The following TMEM132C variants were observed in gnomAD, a reference collection of about 807,000 sequenced individuals.
The protein encoded by TMEM132C is transmembrane protein 132C, also known as protein phosphatase 1, regulatory subunit 152.
A neutral mutation model predicts 61.4 loss-of-function variants in TMEM132C; 29 were observed. The observed-to-expected ratio is 0.47, with a 90% confidence interval of 0.35 to 0.64. TMEM132C has a LOEUF of 0.64. Ranked by LOEUF, TMEM132C falls within the 30% of genes least tolerant of loss-of-function variation. The probability of loss-of-function intolerance (pLI) is 0.00; values close to 1 mark genes in which losing one functional copy is unlikely to be tolerated. For synonymous variants in TMEM132C, 656 were observed against 633.1 expected, an observed-to-expected ratio of 1.04 and a Z score of -0.54; for missense variants, 1,408 against 1,476.9, an observed-to-expected ratio of 0.95 and a Z score of 0.76.
chr12:128,434,639 G>A (rs553552649), intron 2 of TMEM132C, among the ~76,000 whole-genome samples: 1 of 150,638 alleles, frequency 6.6e-6, no homozygotes, highest in East Asian at 2.0e-4. Context: ...GTCTCCCTCT[G>A]TCACCCAGCC....
chr12:128,301,118 A>G (rs1441455765), intron 1 of TMEM132C, among the ~76,000 whole-genome samples: 2 of 152,184 alleles, frequency 1.3e-5, no homozygotes, highest in African/African-American at 4.8e-5. Context: ...GATGAGAAAC[A>G]AACAATGAAT....
intron 2 of TMEM132C, among the ~76,000 whole-genome samples, chr12:128,431,576 A>G (rs1386285725): frequency 1.2e-5 from 1 of 85,728 alleles, no homozygotes; most frequent in Non-Finnish European, 2.2e-5. Flanking sequence ...TTTTTTTGAG[A>G]CAGAGTCTCA....
chr12:128,438,706 C>T (rs1363889197), intron 2 of TMEM132C: 1 of 152,032 alleles, frequency 6.6e-6, no homozygotes, highest in African/African-American at 2.4e-5. Context: ...CTACCTAGTC[C>T]CAAAGCATTT....
At chr12:128,378,049 G>A (rs147030488) in intron 1 of TMEM132C, among the ~76,000 whole-genome samples, 22 of 152,258 alleles carry the variant, frequency 1.4e-4, no homozygotes, top group East Asian at 9.7e-4. Context: ...CCTCACCAGC[G>A]TGTTAGGGTT....
chr12:128,701,331 C>G (rs546717532), intron 8 of TMEM132C, among the ~76,000 whole-genome samples: 17 of 152,258 alleles, frequency 1.1e-4, no homozygotes, highest in African/African-American at 3.9e-4. Context: ...ACTCCACACC[C>G]TCCTAAAACT....
At chr12:128,408,962 G>C (rs532440819) in intron 1 of TMEM132C, among the ~76,000 whole-genome samples, 4 of 152,310 alleles carry the variant, frequency 2.6e-5, no homozygotes, top group Middle Eastern at 6.8e-3. Context: ...AGGCTGCACT[G>C]AGAGGAAGGG....
At chr12:128,359,216 T>G (rs151067129) in intron 1 of TMEM132C, among the ~76,000 whole-genome samples, 266 of 152,246 alleles carry the variant, frequency 1.7e-3, no homozygotes, top group African/African-American at 5.6e-3. Context: ...TGACACTGAG[T>G]AATTTATAAA....
At chr12:128,585,927 G>C (rs1025788290) in intron 3 of TMEM132C, among the ~76,000 whole-genome samples, 1 of 152,176 alleles carries the variant, frequency 6.6e-6, no homozygotes, top group Non-Finnish European at 1.5e-5. Flanking sequence ...TGGGGACAGA[G>C]GTTTAGTTTT....
intron 1 of TMEM132C, among the ~76,000 whole-genome samples, chr12:128,347,719 C>T (rs569184805): frequency 4.5e-4 from 68 of 152,352 alleles, no homozygotes; most frequent in East Asian, 1.9e-4. Flanking sequence ...TGAGCCACCA[C>T]GCCCAGCCTG....
At chr12:128,396,783 C>A (rs1874972877) in intron 1 of TMEM132C, among the ~76,000 whole-genome samples, 1 of 152,170 alleles carries the variant, frequency 6.6e-6, no homozygotes, top group Non-Finnish European at 1.5e-5. Flanking sequence ...GTGATTGGAG[C>A]CCGGTGGGCT....
chr12:128,413,010 A>G (rs1014882367), intron 1 of TMEM132C, among the ~76,000 whole-genome samples: 3 of 152,100 alleles, frequency 2.0e-5, no homozygotes, highest in Admixed American at 6.6e-5. Flanking sequence ...TTTAAAACCA[A>G]TGTTGAGGCC....
intron 4 of TMEM132C, among the ~76,000 whole-genome samples, chr12:128,624,863 G>C (rs562128706): frequency 1.3e-5 from 2 of 152,274 alleles, no homozygotes; most frequent in South Asian, 2.1e-4. Flanking sequence ...CACTCTCAGT[G>C]AAATCTGTCC....
chr12:128,410,204 G>T lies in TMEM132C; in HGVS notation c.86-4528G>T, dbSNP rs114858607. On this transcript the variant is annotated intron_variant, in intron 1 of 8. Coordinates refer to ENST00000435159, the MANE Select transcript of TMEM132C (RefSeq NM_001136103.3). The stretch of plus-strand genomic sequence containing the variant: ...TTGATACAGTTGGAGTCTTAAAGAA[G>T]AGTTACAAGAATAGTGAAAGGAATT... Among the ~76,000 whole-genome samples, 483 of 152,156 alleles carry T rather than the reference G, an allele frequency of 3.2e-3. 5 individuals carry two copies. Among genetic ancestry groups the T allele is most frequent in the African/African-American group, 0.011 (466 of 41,544 alleles).
chr12:128,423,105 A>C (rs1425099590), intron 2 of TMEM132C, among the ~76,000 whole-genome samples: 1 of 152,218 alleles, frequency 6.6e-6, no homozygotes, highest in East Asian at 1.9e-4. Flanking sequence ...AAACACTGTG[A>C]AATAAGGAGG....
chr12:128,622,584 G>A (rs996337377), intron 4 of TMEM132C, among the ~76,000 whole-genome samples: 6 of 151,296 alleles, frequency 4.0e-5, no homozygotes, highest in East Asian at 2.0e-4. Context: ...AGACCCGGAC[G>A]TACATGAACA....
chr12:128,695,719 G>T, intron 6 of TMEM132C, 111 bp from the exon 7 acceptor site: 1 of 1,237,028 alleles, frequency 8.1e-7, no homozygotes. Context: ...TGGTCCTGGC[G>T]CTCGTGTCTT....
At chr12:128,347,607 T>C (rs1873208831) in intron 1 of TMEM132C, among the ~76,000 whole-genome samples, 2 of 152,200 alleles carry the variant, frequency 1.3e-5, no homozygotes. Flanking sequence ...TTTGTATTTT[T>C]AGTAGAGACA....
chr12:128,673,559 T>C (rs1954555263), intron 5 of TMEM132C, among the ~76,000 whole-genome samples: 1 of 151,546 alleles, frequency 6.6e-6, no homozygotes, highest in Non-Finnish European at 1.5e-5. Context: ...AAGAAGGCAC[T>C]GTCTGTCTTC....
At chr12:128,513,571 A>T (rs1872632023) in intron 2 of TMEM132C, among the ~76,000 whole-genome samples, 2 of 152,056 alleles carry the variant, frequency 1.3e-5, no homozygotes, top group South Asian at 4.1e-4. Flanking sequence ...AAGCAGTGAG[A>T]TGTGCGTGAG....
Sources: allele counts gnomAD v4.1 joint callset (sites outside exome capture counted in the v4.1 genomes callset), GRCh38; gene constraint gnomAD v4.1.1; transcripts MANE v1.5; gene names NCBI Gene and HGNC (gene_info 2026-07-23, HGNC 2026-07-21).